The following PPP2R2B variants were observed in gnomAD, a reference collection of about 807,000 sequenced individuals.
PPP2R2B encodes serine/threonine-protein phosphatase 2A 55 kDa regulatory subunit B beta isoform.
Under a neutral mutation model 46.0 loss-of-function variants are expected in PPP2R2B, and 5 were observed. The observed-to-expected ratio is 0.11, with a 90% CI of 0.06 to 0.23. PPP2R2B has a LOEUF of 0.23. Ranked by LOEUF, PPP2R2B falls within the 10% of genes least tolerant of loss-of-function variation. The pLI is 1.00. For synonymous variants in PPP2R2B, 215 were observed against 206.7 expected, an observed-to-expected ratio of 1.04 and a Z score of -0.34; for missense variants, 367 against 575.0, an observed-to-expected ratio of 0.64 and a Z score of 3.70.
intron 1 of PPP2R2B, among the ~76,000 whole-genome samples, chr5:146,914,924 C>T (rs371093137): frequency 1.3e-5 from 2 of 152,086 alleles, no homozygotes; most frequent in Non-Finnish European, 2.9e-5. Flanking sequence ...GTATTCGAAT[C>T]GACAGTGGCT....
intron 8 of PPP2R2B, among the ~76,000 whole-genome samples, chr5:146,594,637 A>T (rs375077990): frequency 3.3e-5 from 5 of 152,208 alleles, no homozygotes; most frequent in East Asian, 1.9e-4. Flanking sequence ...AAGCACAGAG[A>T]TATGACATCA....
chr5:146,765,587 G>A (rs1754428617), intron 2 of PPP2R2B, among the ~76,000 whole-genome samples: 1 of 152,180 alleles, frequency 6.6e-6, no homozygotes, highest in South Asian at 2.1e-4. Flanking sequence ...GTTAAACTGT[G>A]CGCAATGTGA....
chr5:146,625,392 T>C (rs1773981362), intron 7 of PPP2R2B, among the ~76,000 whole-genome samples: 1 of 152,238 alleles, frequency 6.6e-6, no homozygotes, highest in Non-Finnish European at 1.5e-5. Context: ...TGTTGGCTTT[T>C]ACATATGTGT....
chr5:146,736,902 A>G (rs1268491513), intron 2 of PPP2R2B, among the ~76,000 whole-genome samples: 1 of 152,220 alleles, frequency 6.6e-6, no homozygotes, highest in Admixed American at 6.5e-5. Context: ...GGACTGTTCA[A>G]TAGAAATAAT....
At chr5:146,765,302 GT>G (rs1278473272) in intron 2 of PPP2R2B, among the ~76,000 whole-genome samples, 19 of 152,206 alleles carry the variant, frequency 1.2e-4, no homozygotes, top group Non-Finnish European at 1.9e-4. Flanking sequence ...GGCAGTGTGT[GT>G]TTTCACACCT....
chr5:146,889,397 G>A (rs1397215716), intron 1 of PPP2R2B, among the ~76,000 whole-genome samples: 1 of 152,188 alleles, frequency 6.6e-6, no homozygotes, highest in Non-Finnish European at 1.5e-5. Context: ...CAGGTGACCT[G>A]AACACTAAGT....
intron 1 of PPP2R2B, among the ~76,000 whole-genome samples, chr5:146,894,166 C>T (rs1380734855): frequency 6.6e-6 from 1 of 152,168 alleles, no homozygotes. Context: ...GGCAAATATT[C>T]CACCTCCATG....
intron 1 of PPP2R2B, among the ~76,000 whole-genome samples, chr5:146,936,808 CT>C (rs1363835114): frequency 6.6e-6 from 1 of 151,836 alleles, no homozygotes; most frequent in Non-Finnish European, 1.5e-5. Flanking sequence ...AAAAGACATA[CT>C]CTAAGCCCTC....
chr5:146,650,502 C>G (rs760501293), intron 6 of PPP2R2B, 45 bp downstream of exon 6: 2 of 1,565,554 alleles, frequency 1.3e-6, no homozygotes, highest in Non-Finnish European at 1.7e-6. Flanking sequence ...CACCTGAATA[C>G]TCTTAATTCA....
chr5:146,833,284 A>G (rs1759072145), intron 2 of PPP2R2B, among the ~76,000 whole-genome samples: 1 of 152,142 alleles, frequency 6.6e-6, no homozygotes, highest in Non-Finnish European at 1.5e-5. Flanking sequence ...ATTTTTATCT[A>G]CATCCCCAAG....
chr5:146,630,038 C>G (rs1418605469), intron 7 of PPP2R2B, among the ~76,000 whole-genome samples: 1 of 152,170 alleles, frequency 6.6e-6, no homozygotes, highest in Non-Finnish European at 1.5e-5. Context: ...GGTCTCGAAC[C>G]TCCTGGCCTC....
At chr5:147,019,773 G>A (rs1755175214) in intron 1 of PPP2R2B, among the ~76,000 whole-genome samples, 2 of 152,144 alleles carry the variant, frequency 1.3e-5, no homozygotes, top group African/African-American at 2.4e-5. Flanking sequence ...TAGCATGTAA[G>A]AGATGTTAAA....
intron 1 of PPP2R2B, among the ~76,000 whole-genome samples, chr5:146,916,746 GA>G (rs1400848541): frequency 4.6e-5 from 7 of 152,232 alleles, no homozygotes; most frequent in East Asian, 1.9e-4. Context: ...CTCTACAGGT[GA>G]AAAGCTCAGT....
At chr5:146,986,212 TG>T (rs1753423152) in intron 1 of PPP2R2B, among the ~76,000 whole-genome samples, 1 of 152,154 alleles carries the variant, frequency 6.6e-6, no homozygotes. Flanking sequence ...TCTATCAGTT[TG>T]GGAGAGAGAG....
chr5:146,665,713 G>A (rs1561815181), intron 5 of PPP2R2B, among the ~76,000 whole-genome samples: 1 of 152,208 alleles, frequency 6.6e-6, no homozygotes, highest in Non-Finnish European at 1.5e-5. Flanking sequence ...CTTTCGACAT[G>A]TCTTCCTCAC....
chr5:146,667,200 A>T, intron 5 of PPP2R2B, among the ~76,000 whole-genome samples: 1 of 152,134 alleles, frequency 6.6e-6, no homozygotes, highest in Non-Finnish European at 1.5e-5. Context: ...TCTCTTCCTC[A>T]ATGGCTGAGC....
chr5:146,917,121 A>G (rs1763416584), intron 1 of PPP2R2B, among the ~76,000 whole-genome samples: 1 of 152,212 alleles, frequency 6.6e-6, no homozygotes, highest in African/African-American at 2.4e-5. Flanking sequence ...TGGGCAGAAA[A>G]GATGAACAAT....
chr5:146,676,302 T>C (rs1370961526), intron 5 of PPP2R2B, among the ~76,000 whole-genome samples: 1 of 152,064 alleles, frequency 6.6e-6, no homozygotes, highest in Non-Finnish European at 1.5e-5. Flanking sequence ...GCATTGCTCA[T>C]GGGGAAAAAA....
At chr5:147,012,742 C>G (rs1233052360) in intron 1 of PPP2R2B, among the ~76,000 whole-genome samples, 1 of 151,780 alleles carries the variant, frequency 6.6e-6, no homozygotes, top group African/African-American at 2.4e-5. Flanking sequence ...CCTCTACACA[C>G]TGCTTTGAAT....
Sources: gnomAD v4.1 joint callset for allele counts (sites outside exome capture counted in the v4.1 genomes callset) on GRCh38, gnomAD v4.1.1 for gene constraint, MANE v1.5 for transcripts, NCBI Gene and HGNC (gene_info 2026-07-23, HGNC 2026-07-21) for gene names.